The following ENOPH1 variants were observed in gnomAD, a reference collection of about 807,000 sequenced individuals.
ENOPH1 encodes the protein enolase-phosphatase E1.
A neutral mutation model predicts 31.1 loss-of-function variants in ENOPH1; 14 were observed. The observed-to-expected ratio is 0.45, with a 90% CI of 0.30 to 0.70. The LOEUF is 0.70. Among genes scored for constraint, ENOPH1 ranks in the 30% least tolerant of loss-of-function variants. The probability of loss-of-function intolerance (pLI) is 0.09; values close to 1 mark genes in which losing one functional copy is unlikely to be tolerated. For synonymous variants in ENOPH1, 127 were observed against 123.2 expected (o/e 1.03, Z -0.21); for missense variants, 243 against 321.5 (o/e 0.76, Z 1.87).
chr4:82,438,241 T>C (rs1578093850), intron 1 of ENOPH1, among the ~76,000 whole-genome samples: 1 of 152,230 alleles, frequency 6.6e-6, no homozygotes, highest in African/African-American at 2.4e-5. Flanking sequence ...GTGAAAGCCC[T>C]GATATGCTCC....
At chr4:82,453,885 T>C (rs1722416346) in intron 3 of ENOPH1, among the ~76,000 whole-genome samples, 1 of 152,052 alleles carries the variant, frequency 6.6e-6, no homozygotes, top group Admixed American at 6.6e-5. Context: ...TTTTTCCCCA[T>C]ATAATAAAAC....
chr4:82,438,950 T>G (rs142583135), intron 1 of ENOPH1, among the ~76,000 whole-genome samples: 20 of 152,346 alleles, frequency 1.3e-4, no homozygotes, highest in African/African-American at 4.8e-4. Flanking sequence ...CTCATTTGAT[T>G]TTCAAAACTG....
At chr4:82,453,460 C>T (rs1722406572) in intron 3 of ENOPH1, among the ~76,000 whole-genome samples, 1 of 152,134 alleles carries the variant, frequency 6.6e-6, no homozygotes, top group African/African-American at 2.4e-5. Flanking sequence ...CGGTAGTTAG[C>T]CCATACTTCT....
chr4:82,435,732 G>C (rs1299696266), intron 1 of ENOPH1, among the ~76,000 whole-genome samples: 1 of 152,200 alleles, frequency 6.6e-6, no homozygotes, highest in Non-Finnish European at 1.5e-5. Flanking sequence ...CCTGCACAAT[G>C]AAACAGCTAG....
intron 1 of ENOPH1, among the ~76,000 whole-genome samples, chr4:82,433,004 C>T (rs765488952): frequency 6.6e-5 from 10 of 152,084 alleles, no homozygotes; most frequent in Non-Finnish European, 1.0e-4. Flanking sequence ...TGGATTGTGA[C>T]AGAGTAACCG....
intron 5 of ENOPH1, 39 bp from the exon 6 acceptor site, chr4:82,459,941 TG>T: frequency 6.2e-7 from 1 of 1,605,734 alleles, no homozygotes; most frequent in South Asian, 1.1e-5. Context: ...CATCATTTTT[TG>T]GTGTTTCTGA....
intron 1 of ENOPH1, among the ~76,000 whole-genome samples, chr4:82,441,855 CA>C (rs1164265743): frequency 1.3e-5 from 2 of 152,178 alleles, no homozygotes; most frequent in Non-Finnish European, 2.9e-5. Flanking sequence ...ATACTATTAT[CA>C]CAGACATCTG....
intron 1 of ENOPH1, among the ~76,000 whole-genome samples, chr4:82,441,204 A>G (rs1266855005): frequency 6.6e-6 from 1 of 152,234 alleles, no homozygotes; most frequent in Non-Finnish European, 1.5e-5. Context: ...AAAGAGGTAT[A>G]ATGGACTTAC....
chr4:82,454,968 A>C, intron 4 of ENOPH1, 114 bp downstream of exon 4: 1 of 973,130 alleles, frequency 1.0e-6, no homozygotes, highest in Non-Finnish European at 1.5e-6. Flanking sequence ...GGTTGTTTAA[A>C]ATTAGGTAAG....
At chr4:82,442,546 C>T (rs1464757146) in intron 1 of ENOPH1, among the ~76,000 whole-genome samples, 2 of 151,062 alleles carry the variant, frequency 1.3e-5, no homozygotes, top group Admixed American at 6.6e-5. Context: ...AAAACACTGT[C>T]GGCAATCTAT....
At chr4:82,457,711 AG>A (rs1722527617) in intron 5 of ENOPH1, among the ~76,000 whole-genome samples, 1 of 152,186 alleles carries the variant, frequency 6.6e-6, no homozygotes, top group Non-Finnish European at 1.5e-5. Flanking sequence ...TGTGAGTATA[AG>A]GGGTAGGTAG....
chr4:82,454,128 C>T (rs1463790243), intron 3 of ENOPH1, among the ~76,000 whole-genome samples: 6 of 151,624 alleles, frequency 4.0e-5, no homozygotes, highest in African/African-American at 1.2e-4. Flanking sequence ...GTGGGAGGAT[C>T]ACTCGAGCCC....
chr4:82,454,141 G>A (rs1722423443), intron 3 of ENOPH1, among the ~76,000 whole-genome samples: 1 of 152,116 alleles, frequency 6.6e-6, no homozygotes, highest in African/African-American at 2.4e-5. Flanking sequence ...TCGAGCCCAG[G>A]AGGTAGAGGT....
chr4:82,447,807 T>C, intron 1 of ENOPH1, 113 bp from the exon 2 acceptor site: 2 of 548,890 alleles, frequency 3.6e-6, no homozygotes, highest in Non-Finnish European at 6.1e-6. Context: ...GCAATTTTCA[T>C]AGAGTTCCAT....
chr4:82,455,001 ATATTG>A, intron 4 of ENOPH1, 147 bp downstream of exon 4: 2 of 721,020 alleles, frequency 2.8e-6, no homozygotes, highest in Non-Finnish European at 4.5e-6. Context: ...ACTTTTAATT[ATATTG>A]TATTTACAGT....
chr4:82,454,003 T>G (rs1722418478), intron 3 of ENOPH1, among the ~76,000 whole-genome samples: 2 of 151,074 alleles, frequency 1.3e-5, no homozygotes, highest in Admixed American at 6.6e-5. Flanking sequence ...TCCAGGAGTT[T>G]GAGACCAGCC....
intron 2 of ENOPH1, among the ~76,000 whole-genome samples, chr4:82,449,845 A>G (rs1230361011): frequency 6.6e-6 from 1 of 151,924 alleles, no homozygotes; most frequent in African/African-American, 2.4e-5. Context: ...TCCTCACCCC[A>G]GCTCACTCTG....
At chr4:82,453,814 A>C (rs1342884349) in intron 3 of ENOPH1, among the ~76,000 whole-genome samples, 1 of 152,184 alleles carries the variant, frequency 6.6e-6, no homozygotes, top group African/African-American at 2.4e-5. Flanking sequence ...TCAGAAAAAG[A>C]CATCTTTTGC....
rs1003254188 is a variant in ENOPH1 at position 82,451,338 on chromosome 4, T to G, written c.389+93T>G. ...CTCTTTCCAGCGTAAGTCACAAGACTGGTAAAACAGATAAAAATCCACACT... is the reference window on the plus strand; with the variant it reads ...CTCTTTCCAGCGTAAGTCACAAGACGGGTAAAACAGATAAAAATCCACACT... On this transcript the variant is annotated intron_variant, in intron 3 of 5. Transcript: ENST00000273920. 1.3e-5 allele frequency: 15 copies of G among 1,195,872 alleles called. No homozygotes were observed. The African/African-American group carries it at 2.1e-4, about 17-fold the overall frequency. 74.1% of individuals were successfully genotyped at this position (1,195,872 alleles called of 1,614,324 possible).
Sources: gnomAD v4.1 joint callset for allele counts (sites outside exome capture counted in the v4.1 genomes callset) on GRCh38, gnomAD v4.1.1 for gene constraint, MANE v1.5 for transcripts, NCBI Gene and HGNC (gene_info 2026-07-23, HGNC 2026-07-21) for gene names.